Variants in UNC13C observed in about 807,000 individuals in gnomAD.
UNC13C encodes the protein protein unc-13 homolog C.
A neutral mutation model predicts 245.4 loss-of-function variants in UNC13C; 174 were observed. The observed-to-expected ratio is 0.71, with a 90% CI of 0.63 to 0.80. The LOEUF is 0.80. Among genes scored for constraint, UNC13C ranks in the 30% least tolerant of loss-of-function variants. The probability of loss-of-function intolerance (pLI) is 0.00; values close to 1 mark genes in which losing one functional copy is unlikely to be tolerated. For synonymous variants in UNC13C, 992 were observed against 895.1 expected, an observed-to-expected ratio of 1.11 and a Z score of -1.93; for missense variants, 2,829 against 2,602.9, an observed-to-expected ratio of 1.09 and a Z score of -1.89.
At chr15:53,857,245 AT>A in the UNC13C span, among the ~76,000 whole-genome samples, 1 of 152,200 alleles carries the variant, frequency 6.6e-6, no homozygotes, top group African/African-American at 2.4e-5. Context: ...TCTTTGCTCA[AT>A]TAAACTCTTA....
At chr15:54,482,435 G>A (rs996660321) in intron 19 of UNC13C, among the ~76,000 whole-genome samples, 7 of 152,140 alleles carry the variant, frequency 4.6e-5, no homozygotes, top group Non-Finnish European at 1.0e-4. Context: ...AGAGCCAAAG[G>A]GTTCTCCTGT....
intron 17 of UNC13C, among the ~76,000 whole-genome samples, chr15:54,377,784 TC>T (rs1209416050): frequency 6.6e-6 from 1 of 152,160 alleles, no homozygotes; most frequent in Non-Finnish European, 1.5e-5. Context: ...TATGGAGGGT[TC>T]CACCCCCATG....
At chr15:53,896,467 A>G in the UNC13C span, among the ~76,000 whole-genome samples, 1 of 152,112 alleles carries the variant, frequency 6.6e-6, no homozygotes, top group Non-Finnish European at 1.5e-5. Flanking sequence ...TTTGTGAATC[A>G]GTATTTTCTT....
intron 19 of UNC13C, among the ~76,000 whole-genome samples, chr15:54,437,169 G>A (rs796885296): frequency 1.3e-5 from 2 of 151,808 alleles, no homozygotes; most frequent in South Asian, 2.1e-4. Flanking sequence ...ACTGGTCACC[G>A]TTTTGCCTCA....
At chr15:53,980,924 G>A (rs1356129916) in intron 1 of UNC13C, among the ~76,000 whole-genome samples, 1 of 152,132 alleles carries the variant, frequency 6.6e-6, no homozygotes, top group Non-Finnish European at 1.5e-5. Context: ...AGAACTAGTT[G>A]CTTAAGAGCC....
At chr15:54,408,535 G>A (rs956796521) in intron 18 of UNC13C, among the ~76,000 whole-genome samples, 4 of 152,036 alleles carry the variant, frequency 2.6e-5, no homozygotes, top group African/African-American at 4.8e-5. Context: ...GTAAAACTCC[G>A]ATTGATTCTA....
intron 19 of UNC13C, among the ~76,000 whole-genome samples, chr15:54,430,917 C>T (rs546773330): frequency 1.1e-4 from 17 of 151,720 alleles, no homozygotes; most frequent in African/African-American, 3.6e-4. Context: ...CTTAGTGATC[C>T]AAGTCTTCCC....
chr15:53,924,169 T>C, the UNC13C span, among the ~76,000 whole-genome samples: 1 of 152,064 alleles, frequency 6.6e-6, no homozygotes, highest in Non-Finnish European at 1.5e-5. Context: ...ATCACACCAT[T>C]GCACTCCAAC....
rs577669899 is a variant in UNC13C at position 54,451,749 on chromosome 15, G to C, written c.4933+36682G>C. On this transcript the variant is annotated intron_variant, in intron 19 of 32. Coordinates refer to ENST00000260323, the MANE Select transcript of UNC13C (RefSeq NM_001080534.3). ...AATATCATTACTTTTAATTTTTCTG[G>C]TATTTGATAAATTTCTTTTTCATTG... Among the ~76,000 whole-genome samples the C allele has an allele frequency of 3.3e-5, 5 of 151,860 alleles. No homozygotes were observed. In the South Asian group the frequency reaches 8.3e-4, roughly 25 times the overall value.
intron 30 of UNC13C, among the ~76,000 whole-genome samples, chr15:54,584,511 T>C (rs1040779271): frequency 6.6e-6 from 1 of 152,178 alleles, no homozygotes; most frequent in Admixed American, 6.5e-5. Flanking sequence ...ATGTCCTACA[T>C]TGTTAAAGAA....
At chr15:53,994,135 T>C (rs1182464205) in intron 1 of UNC13C, among the ~76,000 whole-genome samples, 1 of 149,862 alleles carries the variant, frequency 6.7e-6, no homozygotes, top group Non-Finnish European at 1.5e-5. Flanking sequence ...ATACTAAGCA[T>C]GTTTTAGTTT....
chr15:54,598,596 A>G (rs1443545107), intron 30 of UNC13C, among the ~76,000 whole-genome samples: 2 of 152,218 alleles, frequency 1.3e-5, no homozygotes, highest in African/African-American at 4.8e-5. Context: ...GTTTCCTAAA[A>G]GAATGCAATT....
chr15:54,252,088 G>A (rs1295874418), intron 8 of UNC13C, among the ~76,000 whole-genome samples: 1 of 152,096 alleles, frequency 6.6e-6, no homozygotes, highest in East Asian at 1.9e-4. Flanking sequence ...CAGCCCAACT[G>A]TTTAAAAAGT....
intron 10 of UNC13C, among the ~76,000 whole-genome samples, chr15:54,287,960 G>A (rs529654721): frequency 1.3e-5 from 2 of 152,226 alleles, no homozygotes; most frequent in East Asian, 1.9e-4. Flanking sequence ...TTGAAGTCCA[G>A]GATCTTTCTG....
Position 54,623,878 on chromosome 15 carries a change from G to A in UNC13C, c.6283G>A (p.Gly2095Arg). The A allele has an allele frequency of 6.2e-7, 1 of 1,613,176 alleles. No individual in the cohort carries two copies. The highest frequency in any genetic ancestry group is 1.1e-5 in the South Asian group (1 of 91,062). ...VEVCILGPNLGDKKRKQGTKT... is the reference protein window; with the variant it reads ...VEVCILGPNLRDKKRKQGTKT... ...AGTTTGTATACTGGGACCCAACCTT[G>A]GAGACAAGAAGAGAAAACAAGGCAC... Residue 2095 changes from glycine (G) to arginine (R), a missense_variant, in exon 32 of 33, where the codon GGA becomes AGA. Gly to Arg is a moderately radical substitution (Grantham distance 125). Transcript: ENST00000260323.
chr15:54,216,301 C>A (rs1046474820), intron 4 of UNC13C, among the ~76,000 whole-genome samples: 24 of 151,862 alleles, frequency 1.6e-4, no homozygotes, highest in Non-Finnish European at 2.9e-5. Context: ...TGGAATATAG[C>A]ATTTTTTAGG....
At chr15:54,385,363 A>G (rs746656677) in intron 17 of UNC13C, among the ~76,000 whole-genome samples, 1 of 152,178 alleles carries the variant, frequency 6.6e-6, no homozygotes, top group African/African-American at 2.4e-5. Flanking sequence ...CTACTTGACC[A>G]TAAAAATAAT....
the UNC13C span, among the ~76,000 whole-genome samples, chr15:53,855,423 CTG>C: frequency 6.6e-6 from 1 of 152,120 alleles, no homozygotes; most frequent in Non-Finnish European, 1.5e-5. Flanking sequence ...ATGATATTGA[CTG>C]TGGTTTTGTC....
chr15:54,520,535 G>A (rs1337100148), intron 24 of UNC13C, among the ~76,000 whole-genome samples: 1 of 152,098 alleles, frequency 6.6e-6, no homozygotes. Flanking sequence ...GAAGCCATGG[G>A]CATGAATTTA....
Sources: allele counts gnomAD v4.1 joint callset (sites outside exome capture counted in the v4.1 genomes callset), GRCh38; gene constraint gnomAD v4.1.1; transcripts MANE v1.5; gene names NCBI Gene and HGNC (gene_info 2026-07-23, HGNC 2026-07-21).